EYS: variants seen among roughly 807,000 people sequenced by gnomAD.
EYS encodes the protein EGF-like photoreceptor maintenance factor.
EYS carries 250 observed loss-of-function variants against 282.1 expected under a neutral mutation model. That is an observed-to-expected ratio of 0.89 (90% confidence interval 0.80 to 0.98). The LOEUF (loss-of-function observed/expected upper bound fraction) is 0.98. Among genes scored for constraint, EYS ranks in the 50% least tolerant of loss-of-function variants. EYS has a pLI of 0.00. For missense variants in EYS, 4,016 were observed against 3,709.0 expected (o/e 1.08, Z -2.15); for synonymous variants, 1,355 against 1,282.9 (o/e 1.06, Z -1.20).
At chr6:64,139,367 T>A (rs1190513140) in intron 31 of EYS, among the ~76,000 whole-genome samples, 1 of 152,070 alleles carries the variant, frequency 6.6e-6, no homozygotes, top group African/African-American at 2.4e-5. Flanking sequence ...AGACATACAT[T>A]CTAGTGGCAG....
chr6:65,203,993 C>A (rs939880553), intron 12 of EYS, among the ~76,000 whole-genome samples: 1 of 151,586 alleles, frequency 6.6e-6, no homozygotes, highest in Non-Finnish European at 1.5e-5. Flanking sequence ...TCTTTCAAAT[C>A]AATATGGTCA....
At chr6:63,878,390 G>T (rs1251882993) in intron 35 of EYS, among the ~76,000 whole-genome samples, 4 of 152,174 alleles carry the variant, frequency 2.6e-5, no homozygotes, top group Non-Finnish European at 5.9e-5. Flanking sequence ...GGCCCTTACT[G>T]GGAGGTGTCT....
chr6:64,190,727 G>A (rs887541314), intron 31 of EYS, among the ~76,000 whole-genome samples: 7 of 152,088 alleles, frequency 4.6e-5, no homozygotes, highest in African/African-American at 1.4e-4. Flanking sequence ...TGTGGAGGGC[G>A]CCTGAGGATG....
intron 13 of EYS, among the ~76,000 whole-genome samples, chr6:64,998,479 A>T (rs1391076214): frequency 6.6e-6 from 1 of 152,188 alleles, no homozygotes; most frequent in Non-Finnish European, 1.5e-5. Context: ...CAGCATTTTT[A>T]ATGCACTGTA....
chr6:65,024,427 G>A (rs909341979), intron 13 of EYS, among the ~76,000 whole-genome samples: 4 of 152,162 alleles, frequency 2.6e-5, no homozygotes, highest in Admixed American at 6.5e-5. Context: ...GATGCAGGGC[G>A]ATGTCTGTGG....
chr6:64,019,993 A>G (rs1769108348), intron 33 of EYS, among the ~76,000 whole-genome samples: 1 of 151,908 alleles, frequency 6.6e-6, no homozygotes, highest in African/African-American at 2.4e-5. Flanking sequence ...GCAATAGTGT[A>G]TCTCCTCTTA....
At chr6:63,810,530 A>C (rs1451118111) in intron 36 of EYS, among the ~76,000 whole-genome samples, 2 of 152,186 alleles carry the variant, frequency 1.3e-5, no homozygotes, top group African/African-American at 4.8e-5. Context: ...GGAGGGAGGC[A>C]GCTGGGGCTG....
intron 41 of EYS, among the ~76,000 whole-genome samples, chr6:63,749,307 T>C (rs1769283925): frequency 6.6e-6 from 1 of 152,144 alleles, no homozygotes; most frequent in Non-Finnish European, 1.5e-5. Context: ...GCTATTTCCT[T>C]AGTCTTGATT....
intron 36 of EYS, among the ~76,000 whole-genome samples, chr6:63,810,933 A>G (rs1470303673): frequency 6.6e-6 from 1 of 152,094 alleles, no homozygotes; most frequent in Non-Finnish European, 1.5e-5. Flanking sequence ...AAATTCTCCC[A>G]CCCACAAATC....
chr6:65,011,519 C>G (rs1012844827), intron 13 of EYS, among the ~76,000 whole-genome samples: 1 of 152,160 alleles, frequency 6.6e-6, no homozygotes, highest in East Asian at 1.9e-4. Context: ...ATTGAAGACA[C>G]CCCTCCCGAG....
chr6:65,069,230 A>G (rs1473217150), intron 12 of EYS, among the ~76,000 whole-genome samples: 2 of 151,962 alleles, frequency 1.3e-5, no homozygotes, highest in Admixed American at 1.3e-4. Flanking sequence ...CGGCATTTAA[A>G]ACTATTCTAG....
At position 64,172,947 on chromosome 6, in the gene EYS, C is replaced by A. The variant is rs569800213; in HGVS notation, c.6424+57645G>T. 2.0e-5 allele frequency among the ~76,000 whole-genome samples: 3 copies of A among 152,196 alleles called. No homozygotes were observed. The South Asian group carries it at 6.2e-4, about 32-fold the overall frequency. On this transcript the variant is annotated intron_variant, in intron 31 of 42. Coordinates refer to ENST00000503581, the MANE Select transcript of EYS (RefSeq NM_001142800.2). ...TGCTGGCCAAGGAAAAATTGCCTTCCGCGAAACCGGTCCCTGTTGTCAAAA... is the reference window on the plus strand; with the variant it reads ...TGCTGGCCAAGGAAAAATTGCCTTCAGCGAAACCGGTCCCTGTTGTCAAAA...
intron 31 of EYS, among the ~76,000 whole-genome samples, chr6:64,207,717 G>A (rs1434582966): frequency 6.6e-6 from 1 of 152,072 alleles, no homozygotes; most frequent in African/African-American, 2.4e-5. Context: ...GAGTGCAGTG[G>A]TGCGACCTCG....
intron 12 of EYS, among the ~76,000 whole-genome samples, chr6:65,255,659 G>GA (rs1448650820): frequency 2.6e-5 from 4 of 151,718 alleles, no homozygotes; most frequent in Non-Finnish European, 5.9e-5. Context: ...CAAATAACAG[G>GA]AAAAAATCAA....
At position 63,831,041 on chromosome 6, in the gene EYS, T is replaced by G. The variant is rs532818570; in HGVS notation, c.7229-24669A>C. 3.0e-4 allele frequency among the ~76,000 whole-genome samples: 46 copies of G among 152,314 alleles called. No homozygotes were observed. The East Asian group carries it at 8.7e-3, about 29-fold the overall frequency. ...TGAGAGATTTTGTCACCACCAGGCC[T>G]GCCTTACAAGAGCTCCTGAAGGAAG... is the stretch of plus-strand genomic sequence containing the variant. On this transcript the variant is annotated intron_variant, in intron 36 of 42. Coordinates refer to ENST00000503581, the MANE Select transcript of EYS (RefSeq NM_001142800.2).
At position 64,055,705 on chromosome 6, in the gene EYS, G is replaced by A. The variant is rs140119462; in HGVS notation, c.6725+10633C>T. On this transcript the variant is annotated intron_variant, in intron 33 of 42. Coordinates refer to ENST00000503581, the MANE Select transcript of EYS (RefSeq NM_001142800.2). Reference sequence around the variant, plus strand: ...ATACAATTAGAATTTTGTGGTTTTGGTATGATGAGTATTTAGCTGTTCTTC... The same window carrying A: ...ATACAATTAGAATTTTGTGGTTTTGATATGATGAGTATTTAGCTGTTCTTC... Among the ~76,000 whole-genome samples, 111 of 152,180 alleles carry A rather than the reference G, an allele frequency of 7.3e-4. 1 individual carries two copies. The Middle Eastern group carries it at 0.017, about 23-fold the overall frequency.
chr6:64,735,261 T>C lies in EYS; in HGVS notation c.3443+78117A>G, dbSNP rs149277547. ...ACCATGCCTGGCTAGTTTTTCGTAT[T>C]TTTAGTAGAGACGGGGTTTCACCGT... On this transcript the variant is annotated intron_variant, in intron 22 of 42. Coordinates refer to ENST00000503581, the MANE Select transcript of EYS (RefSeq NM_001142800.2). Among the ~76,000 whole-genome samples the C allele has an allele frequency of 8.0e-4, 122 of 152,264 alleles. 1 individual carries two copies. Among genetic ancestry groups the C allele is most frequent in the Middle Eastern group, 3.4e-3 (1 of 294 alleles).
chr6:65,406,648 A>G (rs1766752085), intron 5 of EYS, among the ~76,000 whole-genome samples: 1 of 152,070 alleles, frequency 6.6e-6, no homozygotes, highest in Non-Finnish European at 1.5e-5. Context: ...TACAATTGTT[A>G]TGACACTTTT....
chr6:63,816,981 A>G (rs1009027417), intron 36 of EYS, among the ~76,000 whole-genome samples: 9 of 152,122 alleles, frequency 5.9e-5, no homozygotes, highest in African/African-American at 1.7e-4. Flanking sequence ...CTTTTATTGC[A>G]TTTTGTTCCA....
Sources: allele counts gnomAD v4.1 joint callset (sites outside exome capture counted in the v4.1 genomes callset), GRCh38; gene constraint gnomAD v4.1.1; transcripts MANE v1.5; gene names NCBI Gene and HGNC (gene_info 2026-07-23, HGNC 2026-07-21).